WDR62: variants seen among roughly 807,000 people sequenced by gnomAD.
WDR62 encodes WD repeat-containing protein 62.
In WDR62, 112 loss-of-function variants were observed where a neutral mutation model predicts 160.6. The observed-to-expected ratio is 0.70, with a 90% CI of 0.60 to 0.82. The LOEUF is 0.82. Ranked by LOEUF, WDR62 falls within the 40% of genes least tolerant of loss-of-function variation. The pLI is 0.00. For missense variants in WDR62, 1,819 were observed against 1,983.8 expected, an observed-to-expected ratio of 0.92 and a Z score of 1.58; for synonymous variants, 792 against 815.1, an observed-to-expected ratio of 0.97 and a Z score of 0.48.
chr19:36,091,021 C>T (rs890371163), intron 16 of WDR62, among the ~76,000 whole-genome samples, 179 bp from the exon 17 acceptor site: 1 of 152,268 alleles, frequency 6.6e-6, no homozygotes, highest in African/African-American at 2.4e-5. Context: ...CAGGGCCTGG[C>T]TACTGTTGTT....
chr19:36,100,663 G>A, intron 22 of WDR62, 85 bp from the exon 23 acceptor site: 2 of 1,597,300 alleles, frequency 1.3e-6, no homozygotes, highest in Non-Finnish European at 1.7e-6. Context: ...GCCTCCAGCA[G>A]TGGGGCTGCT....
chr19:36,066,218 T>C (rs747919457), intron 4 of WDR62, 39 bp from the exon 5 acceptor site: 2 of 1,613,448 alleles, frequency 1.2e-6, no homozygotes, highest in Non-Finnish European at 1.7e-6. Context: ...CCCTGCCCAG[T>C]ACAGAGCCCA....
chr19:36,078,745 A>G (rs1020418664), intron 9 of WDR62, among the ~76,000 whole-genome samples: 1 of 150,342 alleles, frequency 6.7e-6, no homozygotes, highest in Non-Finnish European at 1.5e-5. Flanking sequence ...CTGAGGCAGG[A>G]GAATTGCTTG....
chr19:36,071,533 T>A, intron 7 of WDR62, 23 bp from the exon 8 acceptor site: 4 of 1,614,202 alleles, frequency 2.5e-6, no homozygotes, highest in Non-Finnish European at 3.4e-6. Flanking sequence ...CCAAATCCAC[T>A]GGGGTCCCTT....
chr19:36,087,984 G>T (rs1478896694), intron 13 of WDR62, among the ~76,000 whole-genome samples: 1 of 152,200 alleles, frequency 6.6e-6, no homozygotes, highest in Non-Finnish European at 1.5e-5. Context: ...CCACGTGCAG[G>T]TTAAGAAGCA....
rs1160117246 is a variant in WDR62 at position 36,073,359 on chromosome 19, A to G, written c.1061A>G (p.Lys354Arg). Residue 354 changes from lysine (K) to arginine (R), a missense_variant, in exon 9 of 32, where the codon AAG becomes AGG. Lys to Arg is a conservative substitution (Grantham distance 26). Transcript: ENST00000401500. ...GLEPSFLFHRKAEAVYPDTVA... is the reference protein window; with the variant it reads ...GLEPSFLFHRRAEAVYPDTVA... ...CTTGTTAGCTTCCTCTTCCACAGGA[A>G]GGCGGAAGCAGTCTACCCAGATACA... 6.2e-7 allele frequency: 1 copy of G among 1,614,164 alleles called. No homozygotes were observed. The highest frequency in any genetic ancestry group is 8.5e-7 in the Non-Finnish European group (1 of 1,180,010).
chr19:36,060,290 TATGGAGGAAATG>T (rs2145531449), intron 3 of WDR62: 1 of 531,068 alleles, frequency 1.9e-6, no homozygotes, highest in African/African-American at 1.9e-5. Flanking sequence ...TGATCAGTGC[TATGGAGGAAATG>T]ATGGAGGATG....
intron 11 of WDR62, among the ~76,000 whole-genome samples, chr19:36,083,658 G>T (rs949460566): frequency 4.6e-5 from 7 of 152,166 alleles, no homozygotes; most frequent in Non-Finnish European, 8.8e-5. Context: ...GCCCTGTTGA[G>T]GTTTGGCAGG....
At chr19:36,060,127 C>G in intron 3 of WDR62, 97 bp downstream of exon 3, 1 of 1,222,648 alleles carries the variant, frequency 8.2e-7, no homozygotes, top group Non-Finnish European at 1.2e-6. Context: ...GGTAGGTGCT[C>G]ACTCATTCAC....
chr19:36,073,151 T>G (rs940369444), intron 8 of WDR62, among the ~76,000 whole-genome samples, 191 bp from the exon 9 acceptor site: 6 of 152,184 alleles, frequency 3.9e-5, no homozygotes, highest in African/African-American at 1.4e-4. Flanking sequence ...ATTTCCGGTT[T>G]GTAGCCTCTA....
chr19:36,089,138 T>TG (rs35315645), intron 14 of WDR62, 33 bp downstream of exon 14: 1 of 1,603,258 alleles, frequency 6.2e-7, no homozygotes, highest in Admixed American at 1.7e-5. Flanking sequence ...GGGGCTGGGG[T>TG]GGGGGGTTGT....
chr19:36,060,218 AG>A, intron 3 of WDR62, 188 bp downstream of exon 3: 1 of 648,668 alleles, frequency 1.5e-6, no homozygotes. Flanking sequence ...AGAGGAGACG[AG>A]AATCTCTGCT....
In WDR62 at chr19:36,099,420, G is replaced by A. The variant is rs745780122; in HGVS notation, c.2542G>A (p.Asp848Asn). 2.5e-5 allele frequency: 41 copies of A among 1,613,696 alleles called. No individual in the cohort carries two copies. The highest frequency in any genetic ancestry group is 3.4e-5 in the Non-Finnish European group (40 of 1,180,018). Residue 848 changes from aspartate to asparagine, a missense_variant, in exon 22 of 32, where the codon GAT (aspartate) becomes AAT (asparagine). Physicochemically the swap from Asp to Asn is conservative, Grantham distance 23. This residue lies in a region of WDR62 where 934 missense variants were observed against 1,157.2 expected (regional missense o/e 0.81). Transcript: ENST00000401500. ...KRLLGDDDVADGLAFHAKRSY... is the reference protein window; with the variant it reads ...KRLLGDDDVANGLAFHAKRSY... ...CAAGCTAGGGGACGATGATGTGGCA[G>A]ATGGCTTGGCCTTCCACGCCAAGCG...
At chr19:36,084,818 A>G (rs975186398) in intron 12 of WDR62, 74 bp downstream of exon 12, 3 of 1,391,556 alleles carry the variant, frequency 2.2e-6, no homozygotes, top group Non-Finnish European at 3.0e-6. Flanking sequence ...AGAAAGGGGT[A>G]GTTGGTGTCT....
intron 20 of WDR62, among the ~76,000 whole-genome samples, chr19:36,095,359 T>C (rs1054698802): frequency 1.3e-5 from 2 of 152,188 alleles, no homozygotes; most frequent in African/African-American, 4.8e-5. Context: ...GTCTTAGGGT[T>C]GTGTGGCTCA....
intron 15 of WDR62, 77 bp downstream of exon 15, chr19:36,089,383 C>G (rs1599813365): frequency 6.2e-7 from 1 of 1,610,684 alleles, no homozygotes; most frequent in East Asian, 2.2e-5. Flanking sequence ...CTCTGTTCCT[C>G]TGGTCCCCAA....
downstream of WDR62, among the ~76,000 whole-genome samples, chr19:36,108,152 G>A (rs886639670): frequency 6.6e-5 from 10 of 152,084 alleles, no homozygotes; most frequent in East Asian, 1.9e-4. Context: ...CACACAGGAC[G>A]GAGTGAGAAT....
intron 7 of WDR62, chr19:36,070,878 C>A (rs528540236): frequency 6.5e-6 from 1 of 153,388 alleles, no homozygotes; most frequent in Non-Finnish European, 1.5e-5. Context: ...GGAGTACAGT[C>A]TTTATGAAGT....
At chr19:36,067,505 G>A (rs941951537) in intron 6 of WDR62, 62 bp downstream of exon 6, 67 of 1,608,864 alleles carry the variant, frequency 4.2e-5, no homozygotes, top group Non-Finnish European at 5.5e-5. Flanking sequence ...GTGGCAGCAT[G>A]GTCTCCTGTT....
Sources: gnomAD v4.1 joint callset for allele counts (sites outside exome capture counted in the v4.1 genomes callset) on GRCh38, gnomAD v4.1.1 for gene constraint, gnomAD v4.1.1 regional missense constraint, MANE v1.5 for transcripts, NCBI Gene and HGNC (gene_info 2026-07-23, HGNC 2026-07-21) for gene names.